The following CFDP1 variants were observed in gnomAD, a reference collection of about 807,000 sequenced individuals.
CFDP1 encodes chromatin remodeling protein CFDP1.
CFDP1 carries 31 observed loss-of-function variants against 40.1 expected under a neutral mutation model. That is an observed-to-expected ratio of 0.77 (90% CI 0.58 to 1.04). CFDP1 has a LOEUF of 1.04. Among genes scored for constraint, CFDP1 ranks in the 50% least tolerant of loss-of-function variants. CFDP1 has a pLI of 0.00. For missense variants in CFDP1, 423 were observed against 343.4 expected, an observed-to-expected ratio of 1.23 and a Z score of -1.83; for synonymous variants, 167 against 120.0, an observed-to-expected ratio of 1.39 and a Z score of -2.56.
At chr16:75,297,145 CTTGTGTGTGTGTGTGTGTGTCT>C (rs1476936760) in intron 6 of CFDP1, among the ~76,000 whole-genome samples, 2 of 139,050 alleles carry the variant, frequency 1.4e-5, no homozygotes, top group South Asian at 2.4e-4. Flanking sequence ...CTTCCCATTT[CTTGTGTGTGTGTGTGTGTGTCT>C]GTGTGTGTGT....
intron 5 of CFDP1, among the ~76,000 whole-genome samples, chr16:75,310,545 A>C (rs1390888824): frequency 2.0e-5 from 3 of 152,270 alleles, no homozygotes; most frequent in Non-Finnish European, 4.4e-5. Flanking sequence ...AATTTTAACA[A>C]AAATGTCATT....
intron 4 of CFDP1, 92 bp from the exon 5 acceptor site, chr16:75,395,301 C>T: frequency 5.3e-6 from 7 of 1,316,228 alleles, no homozygotes; most frequent in African/African-American, 1.5e-5. Flanking sequence ...GAAAAAGATC[C>T]ACTCGGCTTC....
chr16:75,300,832 C>A (rs2078216872), intron 6 of CFDP1, among the ~76,000 whole-genome samples: 1 of 151,738 alleles, frequency 6.6e-6, no homozygotes, highest in African/African-American at 2.4e-5. Context: ...GTAGCTGCAA[C>A]TTGCAACTAG....
At chr16:75,386,227 A>G (rs1355904656) in intron 5 of CFDP1, among the ~76,000 whole-genome samples, 2 of 152,210 alleles carry the variant, frequency 1.3e-5, no homozygotes, top group African/African-American at 4.8e-5. Flanking sequence ...TGAGGCTAAG[A>G]GCAAAGGAAA....
chr16:75,312,499 A>C (rs1297457369), intron 5 of CFDP1, among the ~76,000 whole-genome samples: 1 of 152,192 alleles, frequency 6.6e-6, no homozygotes, highest in Non-Finnish European at 1.5e-5. Context: ...AAAATGATTT[A>C]TTCCTCAGTT....
intron 5 of CFDP1, among the ~76,000 whole-genome samples, chr16:75,362,693 A>G (rs997861175): frequency 2.6e-5 from 4 of 151,958 alleles, no homozygotes; most frequent in Non-Finnish European, 5.9e-5. Flanking sequence ...TTAAAGTTCT[A>G]TTTCCTAAGA....
intron 5 of CFDP1, among the ~76,000 whole-genome samples, chr16:75,317,687 T>C (rs1021537704): frequency 2.6e-5 from 4 of 152,208 alleles, no homozygotes; most frequent in African/African-American, 9.7e-5. Context: ...GACAACTTTA[T>C]GCAGAACCCT....
intron 5 of CFDP1, among the ~76,000 whole-genome samples, chr16:75,390,475 G>A (rs2078938449): frequency 6.6e-6 from 1 of 152,184 alleles, no homozygotes; most frequent in South Asian, 2.1e-4. Context: ...TCTCCTCTTA[G>A]TAATTTTCTA....
intron 5 of CFDP1, among the ~76,000 whole-genome samples, chr16:75,343,850 A>C (rs555530483): frequency 6.6e-6 from 1 of 152,210 alleles, no homozygotes; most frequent in Non-Finnish European, 1.5e-5. Flanking sequence ...TCTGTAGATG[A>C]TCTGGTAGTT....
At chr16:75,400,031 G>A (rs111315652) in intron 4 of CFDP1, among the ~76,000 whole-genome samples, 24,609 of 150,084 alleles carry the variant, frequency 0.16, 2,241 homozygotes, top group Admixed American at 0.21. Context: ...AACCCAGGAG[G>A]TGGAGGTTGC....
intron 5 of CFDP1, among the ~76,000 whole-genome samples, chr16:75,393,546 A>G (rs1180694035): frequency 6.6e-6 from 1 of 151,806 alleles, no homozygotes; most frequent in African/African-American, 2.4e-5. Context: ...CCTGGCTAAC[A>G]AGGTGAAACC....
At chr16:75,342,626 T>A (rs887867955) in intron 5 of CFDP1, among the ~76,000 whole-genome samples, 1 of 152,132 alleles carries the variant, frequency 6.6e-6, no homozygotes, top group African/African-American at 2.4e-5. Context: ...TCTATCTGCA[T>A]ACTACAGCGG....
intron 5 of CFDP1, among the ~76,000 whole-genome samples, chr16:75,310,122 C>T (rs547684877): frequency 6.6e-6 from 1 of 152,288 alleles, no homozygotes; most frequent in Non-Finnish European, 1.5e-5. Flanking sequence ...TTGCAACCAC[C>T]TCCTCCTGAA....
chr16:75,412,491 G>C (rs1304058453), intron 3 of CFDP1, 44 bp downstream of exon 3: 1 of 1,404,900 alleles, frequency 7.1e-7, no homozygotes, highest in Non-Finnish European at 1.0e-6. Context: ...AGTAATGTAG[G>C]GTATTTCTGG....
chr16:75,317,763 T>G (rs549547891), intron 5 of CFDP1, among the ~76,000 whole-genome samples: 1 of 152,064 alleles, frequency 6.6e-6, no homozygotes, highest in East Asian at 1.9e-4. Flanking sequence ...CTCCCACCAG[T>G]CACAGCCGCA....
intron 5 of CFDP1, among the ~76,000 whole-genome samples, chr16:75,311,769 A>AT (rs2078294123): frequency 2.9e-5 from 3 of 102,998 alleles, no homozygotes; most frequent in Admixed American, 1.3e-4. Flanking sequence ...GGACCTTTAC[A>AT]ATTTTTTTTT....
At chr16:75,404,133 AAAT>A (rs2079078939) in intron 4 of CFDP1, among the ~76,000 whole-genome samples, 1 of 151,724 alleles carries the variant, frequency 6.6e-6, no homozygotes, top group South Asian at 2.1e-4. Flanking sequence ...CCGTGTCTCA[AAAT>A]AATAATAGTA....
At chr16:75,333,548 CT>C (rs372110805) in intron 5 of CFDP1, among the ~76,000 whole-genome samples, 6 of 152,332 alleles carry the variant, frequency 3.9e-5, no homozygotes, top group African/African-American at 1.4e-4. Context: ...ATCAGCATTT[CT>C]TCTTTATTTG....
In CFDP1 at chr16:75,433,279, A is replaced by T; in HGVS notation, c.64+10T>A. On this transcript the variant is annotated intron_variant, in intron 1 of 6. Transcript: ENST00000283882. ...GCAATTCGCTTCTCGCCTCAGGCGG[A>T]ATCGCTCACCCGACGGCACGTAGTC... The T allele has an allele frequency of 6.3e-7, 1 of 1,595,054 alleles. No individual in the cohort carries two copies.
Sources: gnomAD v4.1 joint callset for allele counts (sites outside exome capture counted in the v4.1 genomes callset) on GRCh38, gnomAD v4.1.1 for gene constraint, MANE v1.5 for transcripts, NCBI Gene and HGNC (gene_info 2026-07-23, HGNC 2026-07-21) for gene names.